PSKH1: variants seen among roughly 807,000 people sequenced by gnomAD.
PSKH1 encodes serine/threonine-protein kinase H1.
A neutral mutation model predicts 26.7 loss-of-function variants in PSKH1; 12 were observed. The observed-to-expected ratio is 0.45, with a 90% CI of 0.29 to 0.73. PSKH1 has a LOEUF of 0.73. PSKH1 is among the 30% of genes least tolerant of loss of function. The pLI is 0.11. For missense variants in PSKH1, 431 were observed against 595.2 expected (o/e 0.72, Z 2.87); for synonymous variants, 213 against 234.3 (o/e 0.91, Z 0.83).
intron 2 of PSKH1, among the ~76,000 whole-genome samples, chr16:67,919,223 T>C (rs1473563893): frequency 6.6e-6 from 1 of 152,198 alleles, no homozygotes; most frequent in East Asian, 1.9e-4. Flanking sequence ...TGGATTCTCC[T>C]GGATGCTTTA....
chr16:67,924,973 A>AT (rs57408374), intron 2 of PSKH1, among the ~76,000 whole-genome samples: 18 of 148,422 alleles, frequency 1.2e-4, no homozygotes, highest in East Asian at 3.9e-4. Flanking sequence ...AAATTTATTA[A>AT]TTTTTTTTTT....
chr16:67,903,711 A>G (rs565825006), intron 1 of PSKH1, among the ~76,000 whole-genome samples: 8 of 151,950 alleles, frequency 5.3e-5, no homozygotes, highest in South Asian at 4.2e-4. Flanking sequence ...GCTTCTTGCT[A>G]CACTCCTGAC....
Position 67,916,523 on chromosome 16 carries a change from T to G in PSKH1, c.957+6817T>G, listed in dbSNP as rs1404253987. Reference sequence around the variant, plus strand: ...GAGTGCTCCAGAATAAACAGGAGATTGGGAGTGACAGAGCAGAGGTTGAAG... The same window carrying G: ...GAGTGCTCCAGAATAAACAGGAGATGGGGAGTGACAGAGCAGAGGTTGAAG... On this transcript the variant is annotated intron_variant, in intron 2 of 2. Coordinates refer to ENST00000291041, the MANE Select transcript of PSKH1 (RefSeq NM_006742.3). 9.9e-5 allele frequency among the ~76,000 whole-genome samples: 15 copies of G among 152,014 alleles called. No homozygotes were observed. In the East Asian group the frequency reaches 2.7e-3, roughly 27 times the overall value.
intron 2 of PSKH1, among the ~76,000 whole-genome samples, chr16:67,919,316 TC>T (rs1051527604): frequency 2.0e-5 from 3 of 152,220 alleles, no homozygotes; most frequent in African/African-American, 7.2e-5. Context: ...TGACCCCTGC[TC>T]CCAGAGTCAG....
intron 1 of PSKH1, among the ~76,000 whole-genome samples, chr16:67,908,427 G>C (rs1023778041): frequency 6.6e-6 from 1 of 152,124 alleles, no homozygotes; most frequent in Non-Finnish European, 1.5e-5. Context: ...GTGCCACCAC[G>C]CCTGGCTAAT....
At chr16:67,906,523 C>T (rs565067989) in intron 1 of PSKH1, among the ~76,000 whole-genome samples, 4 of 151,832 alleles carry the variant, frequency 2.6e-5, no homozygotes, top group South Asian at 4.3e-4. Flanking sequence ...TCACCATGCC[C>T]GGCTAATGTT....
chr16:67,905,715 C>G (rs1330693534), intron 1 of PSKH1, among the ~76,000 whole-genome samples: 1 of 152,022 alleles, frequency 6.6e-6, no homozygotes, highest in African/African-American at 2.4e-5. Context: ...AAAAATCACC[C>G]AGGCGAGGTG....
intron 2 of PSKH1, among the ~76,000 whole-genome samples, chr16:67,912,944 T>C (rs2058177374): frequency 6.6e-6 from 1 of 151,998 alleles, no homozygotes; most frequent in East Asian, 1.9e-4. Context: ...TCAGCACAGT[T>C]TGGGAGGCTG....
chr16:67,899,581 C>T (rs1434433496), intron 1 of PSKH1, among the ~76,000 whole-genome samples: 3 of 152,022 alleles, frequency 2.0e-5, no homozygotes, highest in Non-Finnish European at 2.9e-5. Context: ...GTGATCGGCC[C>T]GCCTTGGCCT....
At chr16:67,906,741 A>G (rs2058157069) in intron 1 of PSKH1, among the ~76,000 whole-genome samples, 1 of 152,122 alleles carries the variant, frequency 6.6e-6, no homozygotes, top group Admixed American at 6.5e-5. Flanking sequence ...GAGCCCTCTC[A>G]TTAGAAAGGT....
At chr16:67,901,432 A>G (rs1436888445) in intron 1 of PSKH1, among the ~76,000 whole-genome samples, 1 of 152,072 alleles carries the variant, frequency 6.6e-6, no homozygotes, top group Non-Finnish European at 1.5e-5. Flanking sequence ...CCTGGGTTCA[A>G]GCAATTCTCC....
chr16:67,898,025 A>G (rs772452096), intron 1 of PSKH1, among the ~76,000 whole-genome samples: 4 of 151,606 alleles, frequency 2.6e-5, no homozygotes, highest in South Asian at 2.1e-4. Context: ...TTTTTTTTGT[A>G]TTTTTTAGTA....
Position 67,915,444 on chromosome 16 carries a change from G to A in PSKH1, c.957+5738G>A, listed in dbSNP as rs529291518. Among the ~76,000 whole-genome samples, 466 of 152,204 alleles carry A rather than the reference G, an allele frequency of 3.1e-3. 2 individuals are homozygous for A. The highest frequency in any genetic ancestry group is 5.3e-3 in the Non-Finnish European group (360 of 68,006). ...GAGGGATCCGTCTGGGACATTTCCT[G>A]GGGGAGGGGTCCTTATCATGAGATC... On this transcript the variant is annotated intron_variant, in intron 2 of 2. Coordinates refer to ENST00000291041, the MANE Select transcript of PSKH1 (RefSeq NM_006742.3).
rs1015039868 is a variant in PSKH1 at position 67,894,926 on chromosome 16, T to G, written c.-71+1555T>G. Among the ~76,000 whole-genome samples the G allele has an allele frequency of 4.6e-5, 7 of 151,160 alleles. No homozygotes were observed. In the East Asian group the frequency reaches 1.4e-3, roughly 29 times the overall value. On this transcript the variant is annotated intron_variant, in intron 1 of 2. Transcript: ENST00000291041. ...GAGCCTTACTGTCTGAGTTAGTTTTTTTTTTTTTTTTTTTTTGAGACGGAG... is the reference window on the plus strand; with the variant it reads ...GAGCCTTACTGTCTGAGTTAGTTTTGTTTTTTTTTTTTTTTTGAGACGGAG...
intron 1 of PSKH1, chr16:67,902,895 C>T (rs1410611151): frequency 1.3e-5 from 2 of 152,068 alleles, no homozygotes; most frequent in Non-Finnish European, 2.9e-5. Context: ...AGCTTCAGTC[C>T]TTCACTGCAT....
intron 1 of PSKH1, among the ~76,000 whole-genome samples, chr16:67,898,084 T>C (rs1289651001): frequency 6.6e-6 from 1 of 152,142 alleles, no homozygotes; most frequent in African/African-American, 2.4e-5. Context: ...ACTCTTGACC[T>C]CATGATCCAC....
Position 67,909,770 on chromosome 16 carries a change from C to T in PSKH1, c.957+64C>T, listed in dbSNP as rs1459508436. ...CACCTGCGGGGGCAGGTATATCCTGCAGCTCTCAGTCAGAGGTATGTCCTC... is the reference window on the plus strand; with the variant it reads ...CACCTGCGGGGGCAGGTATATCCTGTAGCTCTCAGTCAGAGGTATGTCCTC... On this transcript the variant is annotated intron_variant, in intron 2 of 2. Coordinates refer to ENST00000291041, the MANE Select transcript of PSKH1 (RefSeq NM_006742.3). The surrounding 1 kb of genome is among the most constrained non-coding windows in gnomAD (Gnocchi z 7.8). The T allele has an allele frequency of 2.1e-6, 3 of 1,446,134 alleles. No individual in the cohort carries two copies. The highest frequency in any genetic ancestry group is 2.8e-5 in the African/African-American group (2 of 71,794). The allele number at this position is 1,446,134 out of a possible 1,614,324, so 89.6% of individuals were successfully genotyped here.
chr16:67,895,327 A>G (rs1180683762), intron 1 of PSKH1, among the ~76,000 whole-genome samples: 1 of 151,534 alleles, frequency 6.6e-6, no homozygotes, highest in Non-Finnish European at 1.5e-5. Flanking sequence ...GGCCTCCCGA[A>G]GTTTTAGGGT....
chr16:67,894,621 A>G (rs542131689), intron 1 of PSKH1, among the ~76,000 whole-genome samples: 1 of 152,286 alleles, frequency 6.6e-6, no homozygotes, highest in South Asian at 2.1e-4. Flanking sequence ...CTCTATATCC[A>G]TGCTGCTACT....
Sources: gnomAD v4.1 joint callset for allele counts (sites outside exome capture counted in the v4.1 genomes callset) on GRCh38, gnomAD v4.1.1 for gene constraint, Gnocchi (gnomAD v3.1) non-coding constraint, MANE v1.5 for transcripts, NCBI Gene and HGNC (gene_info 2026-07-23, HGNC 2026-07-21) for gene names.